Variants in VPS35L observed in about 807,000 individuals in gnomAD.
VPS35L encodes the protein VPS35 endosomal protein-sorting factor-like.
In VPS35L, 83 loss-of-function variants were observed where a neutral mutation model predicts 133.0. The ratio of observed to expected loss-of-function variants is 0.62; its 90% CI spans 0.52 to 0.75. The LOEUF is 0.75. Ranked by LOEUF, VPS35L falls within the 30% of genes least tolerant of loss-of-function variation. The probability of loss-of-function intolerance (pLI) is 0.00; values close to 1 mark genes in which losing one functional copy is unlikely to be tolerated. For synonymous variants in VPS35L, 423 were observed against 449.9 expected (o/e 0.94, Z 0.76); for missense variants, 1,083 against 1,206.8 (o/e 0.90, Z 1.52).
At chr16:19,649,625 C>A (rs1278065846) in intron 24 of VPS35L, among the ~76,000 whole-genome samples, 1 of 152,208 alleles carries the variant, frequency 6.6e-6, no homozygotes, top group East Asian at 1.9e-4. Flanking sequence ...ACGGTGGCGC[C>A]CCTGTGAGTT....
At chr16:19,689,671 C>A (rs1975597384) in intron 28 of VPS35L, among the ~76,000 whole-genome samples, 1 of 152,126 alleles carries the variant, frequency 6.6e-6, no homozygotes, top group East Asian at 1.9e-4. Flanking sequence ...TTAATTTGCA[C>A]ACTGTACTGA....
At chr16:19,616,593 C>T in intron 13 of VPS35L, 93 bp from the exon 14 acceptor site, 1 of 1,481,290 alleles carries the variant, frequency 6.8e-7, no homozygotes, top group Non-Finnish European at 9.2e-7. Context: ...TGTCCACATG[C>T]TTACAAGTAT....
At chr16:19,610,934 C>A (rs369376797) in intron 12 of VPS35L, among the ~76,000 whole-genome samples, 1 of 152,086 alleles carries the variant, frequency 6.6e-6, no homozygotes, top group Non-Finnish European at 1.5e-5. Flanking sequence ...TTTAAAGCAC[C>A]GTGAGGCTTC....
intron 21 of VPS35L, 47 bp downstream of exon 21, chr16:19,640,147 G>A (rs1246073543): frequency 6.5e-7 from 1 of 1,539,864 alleles, no homozygotes; most frequent in African/African-American, 1.4e-5. Flanking sequence ...CAATGTCCTT[G>A]TGAAACCTGT....
chr16:19,664,741 A>C (rs1401795216), intron 26 of VPS35L, among the ~76,000 whole-genome samples: 4 of 152,104 alleles, frequency 2.6e-5, no homozygotes, highest in African/African-American at 9.6e-5. Flanking sequence ...CTCTACTAAA[A>C]ATACAAAAAT....
chr16:19,691,355 G>C lies in VPS35L; in HGVS notation c.2530G>C (p.Asp844His). ...ETYLYHIDKV[D>H]SNDSLYGGDS... Reference sequence around the variant, plus strand: ...CACTGTTCTTGTTTGTTCAACAGTGGACTCCAACGACAGCCTCTACGGGGG... The same window carrying C: ...CACTGTTCTTGTTTGTTCAACAGTGCACTCCAACGACAGCCTCTACGGGGG... The change falls in exon 29 of 31, where the codon GAC (aspartate) becomes CAC (histidine). Residue 844 changes from aspartate (D) to histidine (H), a missense_variant and splice_region_variant. Asp to His is a moderately conservative substitution (Grantham distance 81). Coordinates refer to ENST00000417362, the MANE Select transcript of VPS35L (RefSeq NM_020314.7). 6.2e-7 allele frequency: 1 copy of C among 1,612,180 alleles called. No individual in the cohort carries two copies. The highest frequency in any genetic ancestry group is 8.5e-7 in the Non-Finnish European group (1 of 1,178,376).
chr16:19,646,676 A>T (rs924955049), intron 23 of VPS35L, among the ~76,000 whole-genome samples: 2 of 151,720 alleles, frequency 1.3e-5, no homozygotes, highest in Non-Finnish European at 2.9e-5. Flanking sequence ...GGAAAAAAAA[A>T]AAAGAAATCA....
Position 19,601,743 on chromosome 16 carries a change from T to C in VPS35L, c.784+20T>C, listed in dbSNP as rs377527950. On this transcript the variant is annotated intron_variant, in intron 9 of 30. Transcript: ENST00000417362. ...TACCAGGTAATGTCGCAGCTGTTCC[T>C]GGGGTGTCATTCTGCCCTGGAGTCA... The C allele has an allele frequency of 2.5e-5, 41 of 1,613,102 alleles. No individual in the cohort carries two copies. The highest frequency in any genetic ancestry group is 3.4e-5 in the Non-Finnish European group (40 of 1,179,190).
At position 19,612,752 on chromosome 16, in the gene VPS35L, C is replaced by A. The variant is rs548761322; in HGVS notation, c.1023+2337C>A. ...TGGGGAAGTATGTATTTTTTGCAAG[C>A]CTGTTCCCTTTTAATGTTTGAGATC... On this transcript the variant is annotated intron_variant, in intron 12 of 30. Coordinates refer to ENST00000417362, the MANE Select transcript of VPS35L (RefSeq NM_020314.7). Among the ~76,000 whole-genome samples, 66 of 152,080 alleles carry A rather than the reference C, an allele frequency of 4.3e-4. 2 individuals are homozygous for A. Among genetic ancestry groups the A allele is most frequent in the Non-Finnish European group, 7.6e-4 (52 of 67,998 alleles).
chr16:19,561,627 G>A (rs1213320638), intron 1 of VPS35L, among the ~76,000 whole-genome samples: 2 of 152,118 alleles, frequency 1.3e-5, no homozygotes, highest in African/African-American at 4.8e-5. Flanking sequence ...CTAAATGGGA[G>A]CAGAAGATGG....
chr16:19,580,720 G>T (rs985075151), intron 6 of VPS35L, among the ~76,000 whole-genome samples: 2 of 152,032 alleles, frequency 1.3e-5, no homozygotes, highest in African/African-American at 4.8e-5. Flanking sequence ...CCCACACTCT[G>T]CAGTACCTGT....
At chr16:19,680,701 C>G (rs1975240221) in intron 27 of VPS35L, among the ~76,000 whole-genome samples, 1 of 152,142 alleles carries the variant, frequency 6.6e-6, no homozygotes, top group African/African-American at 2.4e-5. Flanking sequence ...CGCTTGAGCC[C>G]AGGACCTTGA....
chr16:19,633,065 C>A lies in VPS35L; in HGVS notation c.1555-27C>A. ...AGCAGTTGCCATACAGTGTCTAATT[C>A]AGGTTTGGTTCCTTTTTCCTGCTTA... On this transcript the variant is annotated intron_variant, in intron 18 of 30. Coordinates refer to ENST00000417362, the MANE Select transcript of VPS35L (RefSeq NM_020314.7). The surrounding 1 kb of genome is among the most constrained non-coding windows in gnomAD (Gnocchi z 4.1). The A allele has an allele frequency of 6.2e-7, 1 of 1,602,946 alleles. No homozygotes were observed. The highest frequency in any genetic ancestry group is 1.1e-5 in the South Asian group (1 of 90,772).
At position 19,573,241 on chromosome 16, in the gene VPS35L, T is replaced by G; in HGVS notation, c.408T>G (p.Ile136Met). The change falls in exon 4 of 31, where the codon ATT becomes ATG. Residue 136 changes from isoleucine (I) to methionine (M), a missense_variant and splice_region_variant. Ile to Met is a conservative substitution (Grantham distance 10). Coordinates refer to ENST00000417362, the MANE Select transcript of VPS35L (RefSeq NM_020314.7). ...ARYTTTEKLSINLFMGSEKGK... is the reference protein window; with the variant it reads ...ARYTTTEKLSMNLFMGSEKGK... ...ACACCACTACCGAAAAGCTGTCTATTGTGAGTACCAGGAGACCCTCTCCAG... is the reference window on the plus strand; with the variant it reads ...ACACCACTACCGAAAAGCTGTCTATGGTGAGTACCAGGAGACCCTCTCCAG... 6.2e-7 allele frequency: 1 copy of G among 1,613,494 alleles called. No individual in the cohort carries two copies. The highest frequency in any genetic ancestry group is 1.3e-5 in the African/African-American group (1 of 75,036).
chr16:19,609,155 T>C, intron 11 of VPS35L, 134 bp downstream of exon 11: 2 of 738,438 alleles, frequency 2.7e-6, no homozygotes, highest in African/African-American at 1.8e-5. Context: ...TTCTGTTCTT[T>C]TTCTCATTGA....
At chr16:19,578,866 G>A in intron 5 of VPS35L, 186 bp from the exon 6 acceptor site, 1 of 626,044 alleles carries the variant, frequency 1.6e-6, no homozygotes, top group Non-Finnish European at 2.9e-6. Context: ...GCTTCTAAGT[G>A]GGAAATGTTT....
intron 8 of VPS35L, among the ~76,000 whole-genome samples, chr16:19,595,413 C>A (rs1320242195): frequency 6.6e-6 from 1 of 152,084 alleles, no homozygotes; most frequent in Non-Finnish European, 1.5e-5. Flanking sequence ...CTTGACGTGT[C>A]CATGCACACA....
At chr16:19,581,733 C>A in intron 7 of VPS35L, 80 bp downstream of exon 7, 1 of 1,523,138 alleles carries the variant, frequency 6.6e-7, no homozygotes, top group South Asian at 1.1e-5. Flanking sequence ...TTTCAGGGGC[C>A]TACCTGCAGG....
rs200527160 is a variant in VPS35L, at chr16:19,616,535, G to GT, written c.1102-148dup. Reference sequence around the variant, plus strand: ...GAGAAACTTTCTGTGTTTTTTTTTGGTTTAAAAAAAAAAAACAACCGAGAA... The same window carrying GT: ...GAGAAACTTTCTGTGTTTTTTTTTGGTTTTAAAAAAAAAAAACAACCGAGAA... On this transcript the variant is annotated intron_variant, in intron 13 of 30. Transcript: ENST00000417362. 4.4e-4 allele frequency: 469 copies of GT among 1,076,464 alleles called. 1 individual carries two copies. The African/African-American group carries it at 7.1e-3, about 16-fold the overall frequency. The allele number at this position is 1,076,464 out of a possible 1,614,324, so 66.7% of individuals were successfully genotyped here.
Sources: gnomAD v4.1 joint callset for allele counts (sites outside exome capture counted in the v4.1 genomes callset) on GRCh38, gnomAD v4.1.1 for gene constraint, Gnocchi (gnomAD v3.1) non-coding constraint, MANE v1.5 for transcripts, NCBI Gene and HGNC (gene_info 2026-07-23, HGNC 2026-07-21) for gene names.